The following TUB variants were observed in gnomAD, a reference collection of about 807,000 sequenced individuals.
TUB encodes tubby protein homolog.
Under a neutral mutation model 59.7 loss-of-function variants are expected in TUB, and 33 were observed. The observed-to-expected ratio is 0.55, with a 90% CI of 0.42 to 0.74. The LOEUF (loss-of-function observed/expected upper bound fraction) is 0.74. TUB is among the 30% of genes least tolerant of loss of function. The probability of loss-of-function intolerance (pLI) is 0.00; values close to 1 mark genes in which losing one functional copy is unlikely to be tolerated. For synonymous variants in TUB, 293 were observed against 256.4 expected (o/e 1.14, Z -1.36); for missense variants, 659 against 672.0 (o/e 0.98, Z 0.21).
At chr11:8,040,864 G>C (rs1942738995) in intron 2 of TUB, among the ~76,000 whole-genome samples, 1 of 152,180 alleles carries the variant, frequency 6.6e-6, no homozygotes, top group Admixed American at 6.5e-5. Context: ...TGAACCCACT[G>C]TCAAGGCTGC....
rs1590002109 is a variant in TUB at position 8,101,457 on chromosome 11, T to C, written c.1388-29T>C. 4.5e-6 allele frequency: 7 copies of C among 1,565,760 alleles called. No homozygotes were observed. The East Asian group carries it at 1.6e-4, about 36-fold the overall frequency. On this transcript the variant is annotated intron_variant, in intron 11 of 11. Transcript: ENST00000299506. ...CTCTACCATTCCTGTCCTGTCCTTTTCTCTGTCTGTGCCTGTGCTTGGCCC... is the reference window on the plus strand; with the variant it reads ...CTCTACCATTCCTGTCCTGTCCTTTCCTCTGTCTGTGCCTGTGCTTGGCCC...
At chr11:8,042,227 A>G (rs1305545993) in intron 2 of TUB, among the ~76,000 whole-genome samples, 2 of 151,960 alleles carry the variant, frequency 1.3e-5, no homozygotes, top group Admixed American at 6.6e-5. Context: ...GAATCACATA[A>G]TATGTGGTCT....
intron 2 of TUB, among the ~76,000 whole-genome samples, chr11:8,047,550 C>G (rs1425213475): frequency 6.6e-6 from 1 of 152,142 alleles, no homozygotes; most frequent in Non-Finnish European, 1.5e-5. Context: ...CAGATGCCCT[C>G]GAGTGGCCTG....
At chr11:8,055,596 G>A (rs1437854088) in intron 2 of TUB, among the ~76,000 whole-genome samples, 1 of 152,274 alleles carries the variant, frequency 6.6e-6, no homozygotes, top group East Asian at 1.9e-4. Flanking sequence ...GGAGCAGACA[G>A]ACAGAGGCCC....
chr11:8,078,154 C>A (rs1032258931), upstream of TUB, among the ~76,000 whole-genome samples: 1 of 152,168 alleles, frequency 6.6e-6, no homozygotes, highest in East Asian at 1.9e-4. Context: ...CCCTGGGGTC[C>A]TCAAGCTCAG....
intron 2 of TUB, among the ~76,000 whole-genome samples, chr11:8,075,367 C>T (rs1943432691): frequency 6.6e-6 from 1 of 152,216 alleles, no homozygotes; most frequent in Admixed American, 6.5e-5. Flanking sequence ...TGAATTTGAA[C>T]TCTATCACTT....
intron 1 of TUB, among the ~76,000 whole-genome samples, chr11:8,029,388 CTTTTTTT>C (rs71059146): frequency 1.6e-5 from 2 of 123,576 alleles, no homozygotes; most frequent in Non-Finnish European, 1.7e-5. Context: ...TTCTTTCTTT[CTTTTTTT>C]TTTTTTTTTT....
intron 1 of TUB, among the ~76,000 whole-genome samples, chr11:8,022,758 C>T (rs1209034675): frequency 1.3e-5 from 2 of 152,078 alleles, no homozygotes; most frequent in East Asian, 3.9e-4. Flanking sequence ...GGTGTGGTGG[C>T]ACATACCTGT....
intron 2 of TUB, among the ~76,000 whole-genome samples, chr11:8,065,272 C>T (rs1037259793): frequency 3.3e-5 from 5 of 152,170 alleles, no homozygotes; most frequent in Non-Finnish European, 7.3e-5. Flanking sequence ...GACTCCCTTT[C>T]CCTCTCATTC....
At chr11:8,040,160 C>T (rs1024431845) in intron 2 of TUB, among the ~76,000 whole-genome samples, 1 of 152,202 alleles carries the variant, frequency 6.6e-6, no homozygotes, top group Non-Finnish European at 1.5e-5. Flanking sequence ...CCCCGGGGTG[C>T]CGTCCCAAGC....
chr11:8,067,587 A>T (rs1331075135), intron 2 of TUB: 1 of 152,238 alleles, frequency 6.6e-6, no homozygotes, highest in African/African-American at 2.4e-5. Context: ...ACAAATATTT[A>T]TTAAACTCCT....
At chr11:8,039,529 C>A in intron 1 of TUB, 1 of 858,074 alleles carries the variant, frequency 1.2e-6, no homozygotes, top group Non-Finnish European at 1.7e-6. Context: ...ACTGAGGCAG[C>A]TGAGACCAGG....
chr11:8,078,528 G>A (rs193271414), upstream of TUB, among the ~76,000 whole-genome samples: 6 of 152,084 alleles, frequency 3.9e-5, no homozygotes, highest in Non-Finnish European at 5.9e-5. Flanking sequence ...AGCCAAGGAC[G>A]TAAACTTAAA....
chr11:8,081,324 G>T lies in TUB; in HGVS notation c.-187G>T, dbSNP rs1943556916. On this transcript the variant is annotated 5_prime_UTR_variant, in exon 1 of 12. Coordinates refer to ENST00000299506, the MANE Select transcript of TUB (RefSeq NM_177972.3). ...TTCGCCCATCTCGCCTCGCCGCGCCGCGCAGGCAGCCGCTCGCAGAGCCAG... is the reference window on the plus strand; with the variant it reads ...TTCGCCCATCTCGCCTCGCCGCGCCTCGCAGGCAGCCGCTCGCAGAGCCAG... The T allele has an allele frequency of 4.1e-6, 4 of 973,530 alleles. No individual in the cohort carries two copies. Among genetic ancestry groups the T allele is most frequent in the Admixed American group, 6.2e-5 (1 of 16,162 alleles). The allele number at this position is 973,530 out of a possible 1,614,324, so 60.3% of individuals were successfully genotyped here.
In TUB at chr11:8,101,828, G is replaced by A; in HGVS notation, c.*209G>A. 4.1e-6 allele frequency: 3 copies of A among 733,470 alleles called. No individual in the cohort carries two copies. In the South Asian group the frequency reaches 5.9e-5, roughly 14 times the overall value. 45.4% of individuals were successfully genotyped at this position (733,470 alleles called of 1,614,324 possible). ...AGTAGTGGAGAGCGGGTGGGTGGGT[G>A]TGAAGGGATGAGAATAATTCTTTCC... On this transcript the variant is annotated 3_prime_UTR_variant, in exon 12 of 12. Coordinates refer to ENST00000299506, the MANE Select transcript of TUB (RefSeq NM_177972.3).
intron 6 of TUB, 103 bp from the exon 7 acceptor site, chr11:8,097,125 C>G: frequency 7.5e-7 from 1 of 1,333,762 alleles, no homozygotes; most frequent in South Asian, 1.3e-5. Flanking sequence ...GGATCCTTCC[C>G]TCTCTCCCAC....
At chr11:8,023,329 G>GA (rs746962812) in intron 1 of TUB, among the ~76,000 whole-genome samples, 16 of 152,304 alleles carry the variant, frequency 1.1e-4, no homozygotes, top group Non-Finnish European at 2.4e-4. Context: ...GGCAGGAGCT[G>GA]AAAATCTATG....
chr11:8,067,241 C>G (rs564066838), intron 2 of TUB, among the ~76,000 whole-genome samples: 1 of 152,186 alleles, frequency 6.6e-6, no homozygotes, highest in Non-Finnish European at 1.5e-5. Context: ...GGCATTGTTG[C>G]TCCCCGTTTC....
intron 2 of TUB, among the ~76,000 whole-genome samples, chr11:8,065,918 A>G (rs1272896768): frequency 6.6e-6 from 1 of 152,202 alleles, no homozygotes; most frequent in Non-Finnish European, 1.5e-5. Context: ...CATACATGAC[A>G]GTGTGGATTC....
Sources: allele counts gnomAD v4.1 joint callset (sites outside exome capture counted in the v4.1 genomes callset), GRCh38; gene constraint gnomAD v4.1.1; transcripts MANE v1.5; gene names NCBI Gene and HGNC (gene_info 2026-07-23, HGNC 2026-07-21).